The following DNA2 variants were observed in gnomAD, a reference collection of about 807,000 sequenced individuals.
DNA2 encodes DNA replication ATP-dependent helicase/nuclease DNA2.
A neutral mutation model predicts 119.1 loss-of-function variants in DNA2; 101 were observed. That is an observed-to-expected ratio of 0.85 (90% CI 0.72 to 1.00). The LOEUF (loss-of-function observed/expected upper bound fraction) is 1.00. Among genes scored for constraint, DNA2 ranks in the 50% least tolerant of loss-of-function variants. DNA2 has a pLI of 0.00. For synonymous variants in DNA2, 366 were observed against 424.4 expected (o/e 0.86, Z 1.69); for missense variants, 1,121 against 1,255.5 (o/e 0.89, Z 1.62).
chr10:68,469,942 T>G (rs2052366612), intron 2 of DNA2, 39 bp downstream of exon 2: 1 of 1,562,300 alleles, frequency 6.4e-7, no homozygotes, highest in Admixed American at 2.0e-5. Flanking sequence ...ACAGTACCCT[T>G]AAGATTCAAA....
At chr10:68,466,679 C>T (rs1418040819) in intron 3 of DNA2, among the ~76,000 whole-genome samples, 12 of 151,040 alleles carry the variant, frequency 7.9e-5, no homozygotes, top group Non-Finnish European at 7.4e-5. Context: ...CCCAGGTTCA[C>T]GCCATTCTCC....
At chr10:68,457,626 C>G (rs1411136574) in intron 5 of DNA2, among the ~76,000 whole-genome samples, 5 of 151,376 alleles carry the variant, frequency 3.3e-5, no homozygotes, top group Non-Finnish European at 7.4e-5. Context: ...TACCATGATC[C>G]AAGCACCTAA....
intron 20 of DNA2, among the ~76,000 whole-genome samples, chr10:68,415,918 AG>A (rs751664597): frequency 2.4e-4 from 37 of 152,054 alleles, no homozygotes; most frequent in Non-Finnish European, 4.1e-4. Context: ...CCAAAGTGCT[AG>A]GATTACAGGT....
chr10:68,448,977 G>GTGTGTGTT (rs2052081189), intron 6 of DNA2, among the ~76,000 whole-genome samples: 1 of 139,008 alleles, frequency 7.2e-6, no homozygotes, highest in Non-Finnish European at 1.5e-5. Context: ...GCGTGTGTGT[G>GTGTGTGTT]TGTGTGTGTA....
chr10:68,423,794 C>T (rs984603626), intron 14 of DNA2, among the ~76,000 whole-genome samples: 4 of 152,154 alleles, frequency 2.6e-5, no homozygotes, highest in African/African-American at 7.2e-5. Context: ...GTGGGCCCAG[C>T]GGTAACGAGG....
intron 14 of DNA2, among the ~76,000 whole-genome samples, chr10:68,425,156 A>G (rs1425764260): frequency 8.0e-6 from 1 of 125,688 alleles, no homozygotes; most frequent in Non-Finnish European, 1.5e-5. Context: ...GTGCAGTGGC[A>G]TTATCTCGGC....
At chr10:68,448,404 A>T (rs1396566913) in intron 6 of DNA2, among the ~76,000 whole-genome samples, 1 of 152,214 alleles carries the variant, frequency 6.6e-6, no homozygotes, top group Non-Finnish European at 1.5e-5. Context: ...ATCTAAAAAA[A>T]ACTTTCTTAA....
intron 14 of DNA2, chr10:68,424,663 C>G: frequency 6.2e-7 from 1 of 1,607,192 alleles, no homozygotes; most frequent in Non-Finnish European, 8.5e-7. Flanking sequence ...TCCCCGCTCT[C>G]CAAGGAGCTG....
intron 17 of DNA2, among the ~76,000 whole-genome samples, chr10:68,421,769 A>G (rs1293986222): frequency 6.6e-6 from 1 of 152,088 alleles, no homozygotes; most frequent in Non-Finnish European, 1.5e-5. Flanking sequence ...GGAAAAAGAA[A>G]GAAAAGACTA....
At chr10:68,429,822 T>C (rs1236962423) in intron 14 of DNA2, among the ~76,000 whole-genome samples, 1 of 150,508 alleles carries the variant, frequency 6.6e-6, no homozygotes, top group African/African-American at 2.4e-5. Flanking sequence ...AGCCTAGAGA[T>C]AGTTATCACA....
intron 14 of DNA2, among the ~76,000 whole-genome samples, chr10:68,426,583 C>T (rs1229063833): frequency 6.6e-6 from 1 of 150,952 alleles, no homozygotes; most frequent in Non-Finnish European, 1.5e-5. Flanking sequence ...CACCTGTAAT[C>T]CCAGCACTTT....
chr10:68,440,165 G>A (rs1380544645), intron 9 of DNA2, among the ~76,000 whole-genome samples: 3 of 151,634 alleles, frequency 2.0e-5, no homozygotes, highest in Non-Finnish European at 2.9e-5. Context: ...TTAGCTGGGT[G>A]TGGTGGCACG....
chr10:68,432,331 G>A lies in DNA2; in HGVS notation c.1764-16C>T. The stretch of plus-strand genomic sequence containing the variant: ...AAGTTTTTTGCTGAAAAGTGAAAAA[G>A]CACTTTTAGTAATATTCCTTAGAAA... On this transcript the variant is annotated splice_polypyrimidine_tract_variant and intron_variant, in intron 11 of 20. Transcript: ENST00000358410. 1 of 1,572,062 alleles carries A rather than the reference G, an allele frequency of 6.4e-7. No homozygotes were observed. Among genetic ancestry groups the A allele is most frequent in the Non-Finnish European group, 8.7e-7 (1 of 1,152,500 alleles).
intron 1 of DNA2, among the ~76,000 whole-genome samples, chr10:68,471,075 C>T (rs935511903): frequency 3.9e-5 from 6 of 152,136 alleles, no homozygotes; most frequent in Non-Finnish European, 2.9e-5. Context: ...TAAGTCTTCC[C>T]CGTTTGACTG....
At chr10:68,430,012 T>A (rs998974652) in intron 14 of DNA2, among the ~76,000 whole-genome samples, 1 of 150,642 alleles carries the variant, frequency 6.6e-6, no homozygotes, top group African/African-American at 2.4e-5. Flanking sequence ...GCCTCCCAAG[T>A]AGCTGGAATT....
chr10:68,438,348 T>C (rs1238309845), intron 9 of DNA2, among the ~76,000 whole-genome samples: 2 of 151,490 alleles, frequency 1.3e-5, no homozygotes, highest in Admixed American at 6.6e-5. Flanking sequence ...GGAGAAACCC[T>C]GTCTCTACTA....
At chr10:68,432,100 G>C (rs933127553) in intron 12 of DNA2, 106 bp downstream of exon 12, 1 of 1,104,526 alleles carries the variant, frequency 9.1e-7, no homozygotes, top group Non-Finnish European at 1.3e-6. Context: ...AAAGAGTCTT[G>C]GTCTAAACAT....
intron 8 of DNA2, 105 bp from the exon 9 acceptor site, chr10:68,443,216 A>C (rs772446805): frequency 1.6e-5 from 15 of 943,374 alleles, no homozygotes; most frequent in Non-Finnish European, 2.1e-5. Context: ...CATCATCATA[A>C]CTCATAACCA....
At chr10:68,467,075 G>A (rs968122393) in intron 3 of DNA2, among the ~76,000 whole-genome samples, 4 of 151,624 alleles carry the variant, frequency 2.6e-5, no homozygotes, top group South Asian at 2.1e-4. Flanking sequence ...CTGGGTGTTG[G>A]GTACGATCAT....
Sources: allele counts gnomAD v4.1 joint callset (sites outside exome capture counted in the v4.1 genomes callset), GRCh38; gene constraint gnomAD v4.1.1; transcripts MANE v1.5; gene names NCBI Gene and HGNC (gene_info 2026-07-23, HGNC 2026-07-21).